RBFOX1: variants seen among roughly 807,000 people sequenced by gnomAD.
RBFOX1 encodes the protein RNA binding fox-1 homolog 1.
Under a neutral mutation model 57.7 loss-of-function variants are expected in RBFOX1, and 8 were observed. That is an observed-to-expected ratio of 0.14 (90% CI 0.08 to 0.25). RBFOX1 has a LOEUF of 0.25. RBFOX1 is among the 10% of genes least tolerant of loss of function. The probability of loss-of-function intolerance (pLI) is 1.00; values close to 1 mark genes in which losing one functional copy is unlikely to be tolerated. For missense variants in RBFOX1, 611 were observed against 548.5 expected (o/e 1.11, Z -1.14); for synonymous variants, 326 against 222.4 (o/e 1.47, Z -4.15).
intron 4 of RBFOX1, among the ~76,000 whole-genome samples, chr16:7,181,783 A>T (rs1349018669): frequency 6.6e-6 from 1 of 151,394 alleles, no homozygotes; most frequent in East Asian, 2.0e-4. Flanking sequence ...CTGGTCTCAG[A>T]CTCCTGAGCT....
Position 5,946,263 on chromosome 16 carries a change from T to C in RBFOX1, c.351+78928T>C, listed in dbSNP as rs2059398074. ...GTCTCTAAGTCTCAGCTTTCTAATC[T>C]GTAAAAGGGACACAATCATAGGACC... On this transcript the variant is annotated intron_variant, in intron 4 of 19. Transcript: ENST00000641259. This position sits in a 1 kb window ranked among gnomAD's most constrained non-coding sequence, Gnocchi z 4.6. 6.6e-6 allele frequency among the ~76,000 whole-genome samples: 1 copy of C among 152,212 alleles called. No homozygotes were observed. The highest frequency in any genetic ancestry group is 1.5e-5 in the Non-Finnish European group (1 of 68,042).
intron 4 of RBFOX1, among the ~76,000 whole-genome samples, chr16:7,433,711 C>T (rs1055542245): frequency 6.6e-6 from 1 of 152,188 alleles, no homozygotes; most frequent in Non-Finnish European, 1.5e-5. Context: ...TCTGTCCATC[C>T]ATCTGTTCAT....
At chr16:7,030,344 G>C (rs933524590) in intron 3 of RBFOX1, among the ~76,000 whole-genome samples, 2 of 152,118 alleles carry the variant, frequency 1.3e-5, no homozygotes, top group Admixed American at 1.3e-4. Flanking sequence ...TCCTAGCATT[G>C]CCATAAGTTA....
chr16:6,840,118 C>A lies in RBFOX1; in HGVS notation c.-16+185468C>A, dbSNP rs144634866. On this transcript the variant is annotated intron_variant, in intron 3 of 15. Coordinates refer to ENST00000550418, the MANE Select transcript of RBFOX1 (RefSeq NM_018723.4). ...TACTACTGAATTGACTTGCTTGCTT[C>A]TTGGTGAGTTTATTTTTTCATGGAG... Among the ~76,000 whole-genome samples the A allele has an allele frequency of 1.6e-3, 244 of 152,200 alleles. 2 individuals are homozygous for A. Among genetic ancestry groups the A allele is most frequent in the African/African-American group, 5.5e-3 (227 of 41,526 alleles).
At chr16:6,970,787 C>A (rs1270448402) in intron 3 of RBFOX1, among the ~76,000 whole-genome samples, 1 of 152,140 alleles carries the variant, frequency 6.6e-6, no homozygotes, top group Admixed American at 6.5e-5. Context: ...TGAATTGGGT[C>A]TTATGCCCTG....
At chr16:7,583,585 C>A (rs541213518) in intron 6 of RBFOX1, among the ~76,000 whole-genome samples, 38 of 152,286 alleles carry the variant, frequency 2.5e-4, no homozygotes, top group African/African-American at 8.7e-4. Context: ...GTTCTGGATG[C>A]CTTCACGGAA....
intron 5 of RBFOX1, 114 bp downstream of exon 5, chr16:7,518,503 C>G (rs1389434614): frequency 1.5e-5 from 21 of 1,392,022 alleles, no homozygotes; most frequent in Admixed American, 5.0e-5. Context: ...ACAGATCAGT[C>G]CCTAAGCCCA....
At chr16:5,777,388 A>G (rs1018571340) in intron 3 of RBFOX1, among the ~76,000 whole-genome samples, 1 of 152,310 alleles carries the variant, frequency 6.6e-6, no homozygotes, top group Non-Finnish European at 1.5e-5. Context: ...CCTCATCTCA[A>G]GTACCTTAAT....
At chr16:5,689,503 G>C (rs1264478774) in intron 3 of RBFOX1, among the ~76,000 whole-genome samples, 2 of 152,156 alleles carry the variant, frequency 1.3e-5, no homozygotes, top group Non-Finnish European at 2.9e-5. Context: ...AGATTGTCTG[G>C]TATGTGGGAA....
At chr16:7,307,757 C>G (rs2096224654) in intron 4 of RBFOX1, among the ~76,000 whole-genome samples, 2 of 152,300 alleles carry the variant, frequency 1.3e-5, no homozygotes. Context: ...CACATATACA[C>G]ACACACCTAG....
chr16:5,685,484 T>A (rs758446), intron 3 of RBFOX1, among the ~76,000 whole-genome samples: 5,526 of 152,310 alleles, frequency 0.036, 321 homozygotes, highest in African/African-American at 0.13. Context: ...TCCCAAGGTG[T>A]TCTTCTCTGA....
intron 4 of RBFOX1, among the ~76,000 whole-genome samples, chr16:7,127,056 G>A (rs187572213): frequency 6.6e-6 from 1 of 151,596 alleles, no homozygotes; most frequent in East Asian, 1.9e-4. Context: ...AGAAAATCTG[G>A]TTGGTCCTTC....
intron 5 of RBFOX1, among the ~76,000 whole-genome samples, chr16:7,563,547 A>C (rs2090945764): frequency 6.6e-6 from 1 of 152,130 alleles, no homozygotes; most frequent in Admixed American, 6.5e-5. Context: ...TGCTCACTGC[A>C]ACCTCTGCCT....
chr16:6,722,475 GCATATTCCATTGATGGAATATTTAC>G (rs146594977), intron 3 of RBFOX1, among the ~76,000 whole-genome samples: 2,068 of 152,146 alleles, frequency 0.014, 61 homozygotes, highest in African/African-American at 0.047. Context: ...GATGAAAGCG[GCATATTCCATTGATGGAATATTTAC>G]CATGTAGATA....
intron 4 of RBFOX1, among the ~76,000 whole-genome samples, chr16:7,200,847 T>C (rs963182432): frequency 1.3e-5 from 2 of 152,194 alleles, no homozygotes; most frequent in African/African-American, 4.8e-5. Context: ...TCCGCGCTGT[T>C]GTATGACATT....
chr16:5,240,000 G>T lies in RBFOX1; in HGVS notation c.114G>T (p.Gly38=), dbSNP rs2062122968. 3 of 1,531,058 alleles carry T rather than the reference G, an allele frequency of 2.0e-6. No homozygotes were observed. The East Asian group carries it at 7.4e-5, about 38-fold the overall frequency. 94.8% of individuals were successfully genotyped at this position (1,531,058 alleles called of 1,614,324 possible). The change falls in exon 1 of 3, where the codon GGG becomes GGT. Residue 38 remains glycine (G), a synonymous_variant. Coordinates refer to the RBFOX1 transcript ENST00000585867. The stretch of plus-strand genomic sequence containing the variant: ...CCGAAGAGAAGAGGCTGCGGCTGGG[G>T]CTGGAGGGGGGAAGCGCACAGCCCG...
At chr16:7,485,928 T>A (rs2065244033) in intron 4 of RBFOX1, among the ~76,000 whole-genome samples, 1 of 152,136 alleles carries the variant, frequency 6.6e-6, no homozygotes, top group Admixed American at 6.5e-5. Flanking sequence ...TTACATATTG[T>A]TCATGGTTGC....
At chr16:7,073,601 T>A (rs535504140) in intron 4 of RBFOX1, among the ~76,000 whole-genome samples, 1 of 152,164 alleles carries the variant, frequency 6.6e-6, no homozygotes, top group East Asian at 1.9e-4. Context: ...CCAGCCCCTT[T>A]GGGAGGTCGA....
At chr16:6,023,474 C>T (rs1011986880) in intron 1 of RBFOX1, among the ~76,000 whole-genome samples, 2 of 152,188 alleles carry the variant, frequency 1.3e-5, no homozygotes, top group Admixed American at 1.3e-4. Context: ...GTATAGGAAT[C>T]TGACATTTCA....
Sources: allele counts gnomAD v4.1 joint callset (sites outside exome capture counted in the v4.1 genomes callset), GRCh38; gene constraint gnomAD v4.1.1; non-coding constraint Gnocchi (gnomAD v3.1); transcripts MANE v1.5; gene names NCBI Gene and HGNC (gene_info 2026-07-23, HGNC 2026-07-21).